Variants in BRINP2 observed in about 807,000 individuals in gnomAD.
The protein encoded by BRINP2 is BMP/retinoic acid inducible neural specific 2.
BRINP2 carries 21 observed loss-of-function variants against 69.2 expected under a neutral mutation model. The observed-to-expected ratio is 0.30, with a 90% CI of 0.22 to 0.44. The LOEUF (loss-of-function observed/expected upper bound fraction) is 0.44, where lower values mean the gene tolerates loss of function less well. Among genes scored for constraint, BRINP2 ranks in the 20% least tolerant of loss-of-function variants. The pLI, the probability that BRINP2 is intolerant of heterozygous loss-of-function variation, is 1.00. For missense variants in BRINP2, 877 were observed against 986.0 expected (o/e 0.89, Z 1.48); for synonymous variants, 380 against 394.1 (o/e 0.96, Z 0.42).
intron 4 of BRINP2, among the ~76,000 whole-genome samples, chr1:177,261,170 C>A (rs927989579): frequency 2.6e-5 from 4 of 151,636 alleles, no homozygotes; most frequent in African/African-American, 9.7e-5. Flanking sequence ...GGCAGTGAGG[C>A]TGGCATGCAG....
At chr1:177,261,225 G>A (rs1409872179) in intron 4 of BRINP2, among the ~76,000 whole-genome samples, 1 of 151,896 alleles carries the variant, frequency 6.6e-6, no homozygotes, top group Non-Finnish European at 1.5e-5. Context: ...GAGGTTGCAG[G>A]GGCCATATCA....
intron 6 of BRINP2, among the ~76,000 whole-genome samples, chr1:177,276,760 G>A (rs1483489411): frequency 6.6e-6 from 1 of 152,312 alleles, no homozygotes; most frequent in East Asian, 1.9e-4. Context: ...TTGCACATAA[G>A]GTTCGCTATA....
Position 177,196,975 on chromosome 1 carries a change from C to A in BRINP2, c.-77+25243C>A, listed in dbSNP as rs116720384. 3.6e-3 allele frequency among the ~76,000 whole-genome samples: 550 copies of A among 152,214 alleles called. 3 individuals carry two copies. Among genetic ancestry groups the A allele is most frequent in the African/African-American group, 0.013 (522 of 41,516 alleles). ...CAGTTCATATGTTGGATCCCCACATCTCAAACGTGACTGTGTCTAGAGATA... is the reference window on the plus strand; with the variant it reads ...CAGTTCATATGTTGGATCCCCACATATCAAACGTGACTGTGTCTAGAGATA... On this transcript the variant is annotated intron_variant, in intron 1 of 7. Transcript: ENST00000361539.
chr1:177,182,600 T>C (rs962976299), intron 1 of BRINP2, among the ~76,000 whole-genome samples: 1 of 152,170 alleles, frequency 6.6e-6, no homozygotes, highest in Non-Finnish European at 1.5e-5. Flanking sequence ...CAGTACAGGC[T>C]TAATGAAGAA....
intron 1 of BRINP2, among the ~76,000 whole-genome samples, chr1:177,226,078 TTAA>T (rs1649681569): frequency 6.6e-6 from 1 of 152,256 alleles, no homozygotes; most frequent in Admixed American, 6.5e-5. Flanking sequence ...ACCCGTTGAC[TTAA>T]TATATCTTTC....
At chr1:177,203,289 G>T (rs1431769691) in intron 1 of BRINP2, among the ~76,000 whole-genome samples, 1 of 152,076 alleles carries the variant, frequency 6.6e-6, no homozygotes, top group Non-Finnish European at 1.5e-5. Flanking sequence ...GAGAACACAT[G>T]GACACAGGAA....
chr1:177,246,182 C>T (rs1650372587), intron 2 of BRINP2, among the ~76,000 whole-genome samples: 1 of 152,182 alleles, frequency 6.6e-6, no homozygotes, highest in African/African-American at 2.4e-5. Context: ...GGACTGAAGC[C>T]TTCCTGCCTG....
intron 1 of BRINP2, among the ~76,000 whole-genome samples, chr1:177,181,605 C>A (rs1211108623): frequency 1.3e-5 from 2 of 152,218 alleles, no homozygotes; most frequent in Non-Finnish European, 2.9e-5. Context: ...AATAACTAAG[C>A]ACGCAGTGAG....
At chr1:177,178,881 A>C (rs1328169338) in intron 1 of BRINP2, among the ~76,000 whole-genome samples, 4 of 152,228 alleles carry the variant, frequency 2.6e-5, no homozygotes, top group African/African-American at 9.6e-5. Context: ...TATAATCATG[A>C]TAATCATGGT....
At chr1:177,252,383 G>A (rs1426545679) in intron 2 of BRINP2, among the ~76,000 whole-genome samples, 1 of 152,048 alleles carries the variant, frequency 6.6e-6, no homozygotes, top group Non-Finnish European at 1.5e-5. Context: ...TGGGATTTAT[G>A]CCTCAAATGT....
intron 4 of BRINP2, among the ~76,000 whole-genome samples, chr1:177,267,030 A>T (rs1026436822): frequency 6.6e-6 from 1 of 152,176 alleles, no homozygotes; most frequent in Non-Finnish European, 1.5e-5. Flanking sequence ...GGCAGTGGGT[A>T]AAGGTTTGTT....
At chr1:177,232,284 G>C (rs889187025) in intron 2 of BRINP2, among the ~76,000 whole-genome samples, 2 of 152,194 alleles carry the variant, frequency 1.3e-5, no homozygotes, top group Non-Finnish European at 2.9e-5. Flanking sequence ...CTGGGCGGCA[G>C]CTCCAAGTTG....
intron 1 of BRINP2, among the ~76,000 whole-genome samples, chr1:177,177,619 C>G (rs1648130101): frequency 6.6e-6 from 1 of 151,146 alleles, no homozygotes; most frequent in Non-Finnish European, 1.5e-5. Flanking sequence ...CCTTCTCTTT[C>G]TATTTACTTC....
intron 4 of BRINP2, among the ~76,000 whole-genome samples, chr1:177,262,245 G>C (rs1269606865): frequency 6.6e-6 from 1 of 152,182 alleles, no homozygotes; most frequent in Non-Finnish European, 1.5e-5. Context: ...CAGGCACTGT[G>C]GCTCATGCCT....
intron 1 of BRINP2, among the ~76,000 whole-genome samples, chr1:177,217,098 TTTTC>T (rs1006841120): frequency 4.0e-5 from 6 of 151,896 alleles, no homozygotes; most frequent in African/African-American, 7.2e-5. Flanking sequence ...TTTATGGCCT[TTTTC>T]TTTCTTTCTT....
In BRINP2 at chr1:177,215,911, C is replaced by A. The variant is rs568528699; in HGVS notation, c.-76-13890C>A. Among the ~76,000 whole-genome samples, 19 of 152,128 alleles carry A rather than the reference C, an allele frequency of 1.2e-4. No homozygotes were observed. The South Asian group carries it at 3.7e-3, about 30-fold the overall frequency. ...TTTTGTCTCCTTTTACAGTTTTTTA[C>A]TTAAAGTTTATTTTGTCTAAGTATC... On this transcript the variant is annotated intron_variant, in intron 1 of 7. Coordinates refer to ENST00000361539, the MANE Select transcript of BRINP2 (RefSeq NM_021165.4).
In BRINP2 at chr1:177,276,398, T is replaced by A. The variant is rs368629885; in HGVS notation, c.976T>A (p.Ser326Thr). ...MEDSLLQIQD[S>T]WATHNRQFEE... ...GGACAGCCTGCTGCAGATCCAGGACTCCTGGGCCACTCACAACCGGCAGTT... is the reference window on the plus strand; with the variant it reads ...GGACAGCCTGCTGCAGATCCAGGACACCTGGGCCACTCACAACCGGCAGTT... Residue 326 changes from serine (S) to threonine (T), a missense_variant, in exon 6 of 8, where the codon TCC becomes ACC. Around this residue, in one of 3 missense-constraint regions of BRINP2, gnomAD observed 566 missense variants for 625.2 expected, o/e 0.91. Transcript: ENST00000361539. 34 of 1,614,048 alleles carry A rather than the reference T, an allele frequency of 2.1e-5. No individual in the cohort carries two copies. Among genetic ancestry groups the A allele is most frequent in the Non-Finnish European group, 2.9e-5 (34 of 1,180,050 alleles).
In BRINP2 at chr1:177,256,555, G is replaced by A. The variant is rs940142731; in HGVS notation, c.460+446G>A. On this transcript the variant is annotated intron_variant, in intron 3 of 7. Transcript: ENST00000361539. The stretch of plus-strand genomic sequence containing the variant: ...TCCAAACCAACTCCAGTAGTTCTGG[G>A]CTGATGAATCATCCTCTTGTGGGGC... The A allele has an allele frequency of 6.1e-6, 6 of 985,318 alleles. No homozygotes were observed. The African/African-American group carries it at 1.0e-4, about 17-fold the overall frequency. 61.0% of individuals were successfully genotyped at this position (985,318 alleles called of 1,614,324 possible).
chr1:177,208,844 T>G (rs1649136106), intron 1 of BRINP2, among the ~76,000 whole-genome samples: 1 of 152,240 alleles, frequency 6.6e-6, no homozygotes, highest in South Asian at 2.1e-4. Flanking sequence ...ATTTGAACCC[T>G]GGCAAGCCAC....
Sources: allele counts gnomAD v4.1 joint callset (sites outside exome capture counted in the v4.1 genomes callset), GRCh38; gene constraint gnomAD v4.1.1; regional missense constraint gnomAD v4.1.1; transcripts MANE v1.5; gene names NCBI Gene and HGNC (gene_info 2026-07-23, HGNC 2026-07-21).